The following FBP1 variants were observed in gnomAD, a reference collection of about 807,000 sequenced individuals.
FBP1 encodes fructose-bisphosphatase 1.
A neutral mutation model predicts 29.9 loss-of-function variants in FBP1; 22 were observed. The ratio of observed to expected loss-of-function variants is 0.74; its 90% CI spans 0.53 to 1.05. The LOEUF is 1.05. FBP1 is among the 50% of genes least tolerant of loss of function. The pLI is 0.00. For missense variants in FBP1, 345 were observed against 448.2 expected (o/e 0.77, Z 2.08); for synonymous variants, 175 against 178.6 (o/e 0.98, Z 0.16).
intron 6 of FBP1, among the ~76,000 whole-genome samples, chr9:94,604,763 G>A (rs28369766): frequency 0.053 from 8,091 of 152,210 alleles, 691 homozygotes; most frequent in African/African-American, 0.18. Context: ...CAGCCTGGGC[G>A]ACGAGTAAGA....
In FBP1 at chr9:94,606,406, A is replaced by T. The variant is rs28369751; in HGVS notation, c.705+409T>A. Among the ~76,000 whole-genome samples the T allele has an allele frequency of 9.5e-3, 1,445 of 152,298 alleles. 22 individuals carry two copies. Among genetic ancestry groups the T allele is most frequent in the African/African-American group, 0.031 (1,308 of 41,570 alleles). On this transcript the variant is annotated intron_variant, in intron 5 of 6. Coordinates refer to ENST00000375326, the MANE Select transcript of FBP1 (RefSeq NM_000507.4). ...GAGTGGGGGAACCACATTTCATCCC[A>T]TCTGGGACCATGGACCCCAGAAGGG...
In FBP1 at chr9:94,620,925, A is replaced by T. The variant is rs1010277716; in HGVS notation, c.171-434T>A. On this transcript the variant is annotated intron_variant, in intron 1 of 6. Transcript: ENST00000375326. The stretch of plus-strand genomic sequence containing the variant: ...CTTAAAGTATAATAATAATTTTTTT[A>T]AAAAAGGGCCGGGCGTGGTGGCTCA... Among the ~76,000 whole-genome samples the T allele has an allele frequency of 3.3e-5, 5 of 152,174 alleles. 1 individual carries two copies. In the South Asian group the frequency reaches 6.2e-4, roughly 19 times the overall value.
At chr9:94,614,180 G>C (rs117721341) in intron 3 of FBP1, among the ~76,000 whole-genome samples, 9,286 of 132,492 alleles carry the variant, frequency 0.07, 413 homozygotes, top group South Asian at 0.16. Flanking sequence ...AGGGGGGGAC[G>C]AGGAGGAGCA....
intron 3 of FBP1, among the ~76,000 whole-genome samples, chr9:94,613,860 G>A (rs1827822731): frequency 6.6e-6 from 1 of 151,438 alleles, no homozygotes; most frequent in Non-Finnish European, 1.5e-5. Context: ...GGCGGATCAC[G>A]AGGTCAGGAG....
intron 1 of FBP1, among the ~76,000 whole-genome samples, chr9:94,634,293 CAAAAAAA>C (rs1480502775): frequency 1.1e-5 from 1 of 89,888 alleles, no homozygotes; most frequent in South Asian, 3.6e-4. Flanking sequence ...GACTCTGCCT[CAAAAAAA>C]AAAAAAAGAA....
chr9:94,609,586 C>T (rs1827752511), intron 4 of FBP1, among the ~76,000 whole-genome samples: 1 of 152,182 alleles, frequency 6.6e-6, no homozygotes, highest in South Asian at 2.1e-4. Context: ...CACCCTTGCC[C>T]CCCGGCCTTC....
intron 3 of FBP1, among the ~76,000 whole-genome samples, chr9:94,613,550 A>G (rs1827816727): frequency 6.6e-6 from 1 of 151,820 alleles, no homozygotes; most frequent in Admixed American, 6.6e-5. Flanking sequence ...GGATCGCCTC[A>G]GCCCAGGAGT....
chr9:94,632,304 C>G (rs1034330062), intron 1 of FBP1, among the ~76,000 whole-genome samples: 1 of 152,078 alleles, frequency 6.6e-6, no homozygotes, highest in African/African-American at 2.4e-5. Context: ...GGACTCTCTC[C>G]CTGCTGATAG....
At chr9:94,637,468 G>A (rs548932809) in intron 1 of FBP1, among the ~76,000 whole-genome samples, 33 of 150,734 alleles carry the variant, frequency 2.2e-4, no homozygotes, top group East Asian at 2.0e-4. Flanking sequence ...ATGCGATCTC[G>A]GCTCACTGCA....
chr9:94,617,925 A>G (rs1827887460), intron 2 of FBP1, 65 bp from the exon 3 acceptor site: 1 of 1,216,932 alleles, frequency 8.2e-7, no homozygotes, highest in South Asian at 1.2e-5. Flanking sequence ...AGGAGTATAC[A>G]TTAGGGGCTA....
chr9:94,638,541 G>A (rs776815273), intron 1 of FBP1, among the ~76,000 whole-genome samples: 1 of 152,062 alleles, frequency 6.6e-6, no homozygotes, highest in Non-Finnish European at 1.5e-5. Context: ...TCCCAGCAAG[G>A]GGCAGCCCAC....
rs565187579 is a variant in FBP1, at chr9:94,605,517, G to A, written c.765C>T (p.Arg255=). The A allele has an allele frequency of 6.2e-7, 1 of 1,613,836 alleles. No homozygotes were observed. Among genetic ancestry groups the A allele is most frequent in the East Asian group, 2.2e-5 (1 of 44,876 alleles). Residue 255 remains arginine (R), a synonymous_variant, in exon 6 of 7, where the codon CGC becomes CGT. Coordinates refer to ENST00000375326, the MANE Select transcript of FBP1 (RefSeq NM_000507.4). ...GAAATATCCCTCCGTAGACCAGAGT[G>A]CGATGAACATCAGCCACCATGGAGC... ...YVGSMVADVH[R]TLVYGGIFLY... is the part of the protein sequence containing the mutation.
chr9:94,619,874 CA>C (rs56722632), intron 2 of FBP1, among the ~76,000 whole-genome samples: 322 of 99,084 alleles, frequency 3.2e-3, no homozygotes, highest in African/African-American at 0.012. Flanking sequence ...AACACTGTCT[CA>C]AAAAAAAAAA....
intron 1 of FBP1, among the ~76,000 whole-genome samples, chr9:94,622,103 G>T (rs571026796): frequency 4.6e-5 from 7 of 152,290 alleles, no homozygotes; most frequent in African/African-American, 1.7e-4. Flanking sequence ...GAAGTTGCAG[G>T]GATCCTGGAG....
Position 94,603,419 on chromosome 9 carries a change from C to T in FBP1, c.979G>A (p.Glu327Lys), listed in dbSNP as rs766098583. 40 of 1,613,938 alleles carry T rather than the reference C, an allele frequency of 2.5e-5. No individual in the cohort carries two copies. The highest frequency in any genetic ancestry group is 3.4e-5 in the Non-Finnish European group (40 of 1,180,000). ...TGCTTCTCATACACCTTCAGGAACT[C>T]GAGCACGTCGTCGGGGGATCCCAAG... is the stretch of plus-strand genomic sequence containing the variant. Reference protein sequence around the residue: ...VILGSPDDVLEFLKVYEKHSA... With the variant: ...VILGSPDDVLKFLKVYEKHSA... The change falls in exon 7 of 7, where the codon GAG becomes AAG. Residue 327 changes from glutamate to lysine, a missense_variant. Physicochemically the swap from Glu to Lys is moderately conservative, Grantham distance 56 (BLOSUM62 1). Transcript: ENST00000375326.
intron 3 of FBP1, among the ~76,000 whole-genome samples, chr9:94,616,934 T>TTTC (rs1563982955): frequency 9.6e-4 from 99 of 103,218 alleles, no homozygotes; most frequent in African/African-American, 2.9e-3. Flanking sequence ...CTCTCTCTCT[T>TTTC]TCTCTCTCTC....
chr9:94,612,470 A>G (rs1332792609), intron 3 of FBP1, among the ~76,000 whole-genome samples: 1 of 151,678 alleles, frequency 6.6e-6, no homozygotes, highest in Non-Finnish European at 1.5e-5. Context: ...CTTGTCTATG[A>G]CCCACATACT....
At chr9:94,603,649 C>A in intron 6 of FBP1, 77 bp from the exon 7 acceptor site, 2 of 1,304,932 alleles carry the variant, frequency 1.5e-6, no homozygotes, top group Non-Finnish European at 2.2e-6. Context: ...TGCAGCAAAA[C>A]ATGCAGAGCT....
chr9:94,628,871 C>T lies in FBP1; in HGVS notation c.171-8380G>A, dbSNP rs28402412. On this transcript the variant is annotated intron_variant, in intron 1 of 6. Coordinates refer to ENST00000375326, the MANE Select transcript of FBP1 (RefSeq NM_000507.4). ...TGATGAGGAAACACTAATCATGATT[C>T]ACACTATATTTAAATACTTTAAAAT... 7.9e-3 allele frequency among the ~76,000 whole-genome samples: 1,203 copies of T among 152,306 alleles called. 15 individuals carry two copies. The highest frequency in any genetic ancestry group is 0.028 in the African/African-American group (1,156 of 41,558).
Sources: gnomAD v4.1 joint callset for allele counts (sites outside exome capture counted in the v4.1 genomes callset) on GRCh38, gnomAD v4.1.1 for gene constraint, MANE v1.5 for transcripts, NCBI Gene and HGNC (gene_info 2026-07-23, HGNC 2026-07-21) for gene names.